Variants in CEP112 observed in about 807,000 individuals in gnomAD.
CEP112 encodes centrosomal protein of 112 kDa.
CEP112 carries 127 observed loss-of-function variants against 153.0 expected under a neutral mutation model. That is an observed-to-expected ratio of 0.83 (90% CI 0.72 to 0.96). The LOEUF is 0.96. Among genes scored for constraint, CEP112 ranks in the 40% least tolerant of loss-of-function variants. The pLI, the probability that CEP112 is intolerant of heterozygous loss-of-function variation, is 0.00. For missense variants in CEP112, 1,089 were observed against 1,101.2 expected (o/e 0.99, Z 0.16); for synonymous variants, 358 against 374.4 (o/e 0.96, Z 0.51).
chr17:66,019,724 G>T (rs1463533376), intron 16 of CEP112, among the ~76,000 whole-genome samples: 1 of 152,074 alleles, frequency 6.6e-6, no homozygotes, highest in Non-Finnish European at 1.5e-5. Flanking sequence ...AATTGATACC[G>T]CATGGAAAGG....
chr17:66,059,157 T>C (rs530993142), intron 11 of CEP112, among the ~76,000 whole-genome samples: 25 of 152,206 alleles, frequency 1.6e-4, no homozygotes, highest in African/African-American at 6.0e-4. Flanking sequence ...TAACTCAGGA[T>C]AGATTAAAGA....
intron 8 of CEP112, among the ~76,000 whole-genome samples, chr17:66,091,970 G>T (rs1180901880): frequency 6.6e-6 from 1 of 150,600 alleles, no homozygotes; most frequent in African/African-American, 2.4e-5. Context: ...TATGATGACT[G>T]AATCATGAAG....
chr17:66,003,151 A>G (rs1279909599), intron 17 of CEP112, among the ~76,000 whole-genome samples: 1 of 152,220 alleles, frequency 6.6e-6, no homozygotes, highest in East Asian at 1.9e-4. Flanking sequence ...TCATCCAGAC[A>G]TTTAGCCAAA....
intron 20 of CEP112, among the ~76,000 whole-genome samples, chr17:65,895,507 A>G (rs2059628340): frequency 6.6e-6 from 1 of 152,136 alleles, no homozygotes; most frequent in African/African-American, 2.4e-5. Flanking sequence ...CGCTGAAAGA[A>G]ATGCAAACTG....
At chr17:65,734,404 C>A (rs1242891104) in intron 23 of CEP112, among the ~76,000 whole-genome samples, 1 of 152,170 alleles carries the variant, frequency 6.6e-6, no homozygotes, top group Non-Finnish European at 1.5e-5. Context: ...TCCACTCTTA[C>A]AAACTGACAA....
rs1377497634 is a variant in CEP112, at chr17:65,658,432, A to C, written c.2698-17367T>G. ...TTAATTACCTGTCTCATAGAATAGAAGCAAGAGATGAGTTGTATGAGAATA... is the reference window on the plus strand; with the variant it reads ...TTAATTACCTGTCTCATAGAATAGACGCAAGAGATGAGTTGTATGAGAATA... On this transcript the variant is annotated intron_variant, in intron 24 of 26. Coordinates refer to ENST00000535342, the MANE Select transcript of CEP112 (RefSeq NM_001199165.4). 2.0e-5 allele frequency among the ~76,000 whole-genome samples: 3 copies of C among 152,234 alleles called. No homozygotes were observed. In the East Asian group the frequency reaches 5.8e-4, roughly 29 times the overall value.
chr17:66,096,770 A>G, intron 6 of CEP112, 138 bp from the exon 7 acceptor site: 1 of 618,838 alleles, frequency 1.6e-6, no homozygotes, highest in South Asian at 2.3e-5. Context: ...TAGAATGGGT[A>G]TTGTATGATA....
intron 21 of CEP112, among the ~76,000 whole-genome samples, chr17:65,810,043 T>C (rs931585224): frequency 6.6e-6 from 1 of 152,252 alleles, no homozygotes; most frequent in African/African-American, 2.4e-5. Context: ...GACAGAGCAC[T>C]GCATTTAGTG....
intron 17 of CEP112, among the ~76,000 whole-genome samples, chr17:66,001,010 C>T (rs1047680099): frequency 2.0e-5 from 3 of 152,178 alleles, no homozygotes; most frequent in African/African-American, 4.8e-5. Context: ...GTTGTCCTTC[C>T]CACATAAGGC....
At chr17:65,744,080 T>C (rs1382838554) in intron 22 of CEP112, among the ~76,000 whole-genome samples, 1 of 151,884 alleles carries the variant, frequency 6.6e-6, no homozygotes, top group East Asian at 1.9e-4. Flanking sequence ...CTTTTATAAA[T>C]GAGGAAACAG....
chr17:65,743,188 G>A lies in CEP112; in HGVS notation c.2487C>T (p.Ser829=), dbSNP rs2051235033. ...QIIAELQTTI[S]SLKEENSQQQ... ...GCTGGCTGTTCTCTTCTTTCAGAGAGGAAATGGTTGTCTGAAGTTCTGCTA... is the reference window on the plus strand; with the variant it reads ...GCTGGCTGTTCTCTTCTTTCAGAGAAGAAATGGTTGTCTGAAGTTCTGCTA... The change falls in exon 23 of 27, where the codon TCC becomes TCT. Residue 829 remains serine, a synonymous_variant. Transcript: ENST00000535342. 1.9e-6 allele frequency: 3 copies of A among 1,611,282 alleles called. No individual in the cohort carries two copies. Among genetic ancestry groups the A allele is most frequent in the African/African-American group, 2.7e-5 (2 of 74,882 alleles).
chr17:66,038,345 A>T (rs779822022), intron 12 of CEP112, among the ~76,000 whole-genome samples: 1 of 152,128 alleles, frequency 6.6e-6, no homozygotes, highest in South Asian at 2.1e-4. Flanking sequence ...GACGTCACTT[A>T]TTCATTTTAT....
At chr17:65,991,012 C>A (rs2063575025) in intron 17 of CEP112, among the ~76,000 whole-genome samples, 1 of 152,194 alleles carries the variant, frequency 6.6e-6, no homozygotes, top group African/African-American at 2.4e-5. Context: ...AACAGCAATA[C>A]CCAGATAATA....
chr17:66,104,724 G>A (rs1343996745), intron 6 of CEP112, among the ~76,000 whole-genome samples: 1 of 152,126 alleles, frequency 6.6e-6, no homozygotes, highest in East Asian at 1.9e-4. Context: ...ATTTCTGGCA[G>A]CAGACTTCTC....
At chr17:66,136,770 C>T (rs1163101745) in intron 4 of CEP112, among the ~76,000 whole-genome samples, 4 of 152,108 alleles carry the variant, frequency 2.6e-5, no homozygotes, top group Non-Finnish European at 4.4e-5. Context: ...TTATGATCTC[C>T]TAAAAACAGA....
intron 8 of CEP112, among the ~76,000 whole-genome samples, chr17:66,072,740 T>TA (rs1006434402): frequency 2.6e-5 from 4 of 152,150 alleles, no homozygotes; most frequent in African/African-American, 9.7e-5. Flanking sequence ...GCCATCCTTT[T>TA]AAAAAGTTAA....
chr17:65,666,861 T>C (rs2046719539), intron 24 of CEP112, among the ~76,000 whole-genome samples: 1 of 152,178 alleles, frequency 6.6e-6, no homozygotes. Flanking sequence ...CTCAAGGTAC[T>C]TGGTTCCTTT....
At chr17:65,960,475 C>T (rs147886596) in intron 18 of CEP112, among the ~76,000 whole-genome samples, 418 of 152,290 alleles carry the variant, frequency 2.7e-3, no homozygotes, top group Non-Finnish European at 4.7e-3. Flanking sequence ...TCTCCAGTAT[C>T]CATGGGTGAT....
intron 17 of CEP112, among the ~76,000 whole-genome samples, chr17:65,971,486 A>G (rs1180403148): frequency 6.6e-6 from 1 of 150,962 alleles, no homozygotes; most frequent in Non-Finnish European, 1.5e-5. Context: ...CATGTATGAC[A>G]TGAATGTCAT....
Sources: gnomAD v4.1 joint callset for allele counts (sites outside exome capture counted in the v4.1 genomes callset) on GRCh38, gnomAD v4.1.1 for gene constraint, MANE v1.5 for transcripts, NCBI Gene and HGNC (gene_info 2026-07-23, HGNC 2026-07-21) for gene names.